Variants in ESRRG observed in about 807,000 individuals in gnomAD.
ESRRG encodes estrogen-related receptor gamma.
Under a neutral mutation model 44.0 loss-of-function variants are expected in ESRRG, and 13 were observed. That is an observed-to-expected ratio of 0.30 (90% CI 0.19 to 0.47). The LOEUF is 0.47. Ranked by LOEUF, ESRRG falls within the 20% of genes least tolerant of loss-of-function variation. The pLI is 1.00. For missense variants in ESRRG, 395 were observed against 580.6 expected, an observed-to-expected ratio of 0.68 and a Z score of 3.29; for synonymous variants, 215 against 214.6, an observed-to-expected ratio of 1.00 and a Z score of -0.02.
At chr1:216,676,714 C>T (rs1021905146) in intron 2 of ESRRG, among the ~76,000 whole-genome samples, 1 of 152,072 alleles carries the variant, frequency 6.6e-6, no homozygotes, top group Admixed American at 6.6e-5. Flanking sequence ...TTATTATTTC[C>T]ATGCATCTGT....
chr1:217,093,705 G>C (rs79047972), upstream of ESRRG, among the ~76,000 whole-genome samples: 89 of 151,538 alleles, frequency 5.9e-4, 1 homozygote, highest in East Asian at 0.013. Flanking sequence ...GATTGCTTGA[G>C]CCCCGAAGTC....
At chr1:216,948,938 A>G (rs920069861) in intron 1 of ESRRG, among the ~76,000 whole-genome samples, 2 of 152,150 alleles carry the variant, frequency 1.3e-5, no homozygotes, top group African/African-American at 4.8e-5. Context: ...AAACAAGAAC[A>G]TAAGCTTAGA....
At chr1:216,534,571 T>C (rs2050350160) in intron 5 of ESRRG, among the ~76,000 whole-genome samples, 2 of 152,186 alleles carry the variant, frequency 1.3e-5, no homozygotes, top group South Asian at 4.1e-4. Flanking sequence ...ACATTGTATT[T>C]ATACATAACT....
At chr1:217,022,090 C>A (rs1050246343) in intron 1 of ESRRG, among the ~76,000 whole-genome samples, 1 of 152,144 alleles carries the variant, frequency 6.6e-6, no homozygotes, top group Non-Finnish European at 1.5e-5. Context: ...TTACATGAGC[C>A]TGAAGAGGTC....
At chr1:217,063,368 A>G (rs372061500) in intron 1 of ESRRG, among the ~76,000 whole-genome samples, 88 of 152,336 alleles carry the variant, frequency 5.8e-4, no homozygotes, top group African/African-American at 2.1e-3. Flanking sequence ...AAGTTAGTGC[A>G]GCAAACTAGC....
chr1:217,071,602 C>T (rs949616211), intron 1 of ESRRG, among the ~76,000 whole-genome samples: 12 of 152,132 alleles, frequency 7.9e-5, no homozygotes, highest in Non-Finnish European at 1.8e-4. Flanking sequence ...TTAATGGCAC[C>T]TTGACTAACT....
At chr1:216,882,083 C>T (rs2096456862) in intron 2 of ESRRG, among the ~76,000 whole-genome samples, 1 of 151,872 alleles carries the variant, frequency 6.6e-6, no homozygotes, top group South Asian at 2.1e-4. Flanking sequence ...CTTTGTTTAG[C>T]CCTCACAACC....
chr1:216,746,695 T>C (rs973293846), intron 2 of ESRRG, among the ~76,000 whole-genome samples: 3 of 152,164 alleles, frequency 2.0e-5, no homozygotes, highest in African/African-American at 7.2e-5. Context: ...AACTGGTAAA[T>C]GTTTGATGAA....
chr1:217,023,653 G>A (rs1346240286), intron 1 of ESRRG, among the ~76,000 whole-genome samples: 4 of 152,216 alleles, frequency 2.6e-5, no homozygotes, highest in Non-Finnish European at 5.9e-5. Context: ...CCTTCCTTGA[G>A]ATGCTTTCCT....
intron 1 of ESRRG, among the ~76,000 whole-genome samples, chr1:216,978,195 A>G (rs1038031462): frequency 4.6e-5 from 7 of 152,102 alleles, no homozygotes; most frequent in Non-Finnish European, 1.0e-4. Context: ...GGCCAAATTC[A>G]CCACCCCCAA....
intron 2 of ESRRG, among the ~76,000 whole-genome samples, chr1:216,848,765 G>A (rs995083369): frequency 6.6e-6 from 1 of 151,842 alleles, no homozygotes; most frequent in Non-Finnish European, 1.5e-5. Flanking sequence ...TGTTTGGTGT[G>A]CCTCTGGAAC....
chr1:216,781,944 G>C (rs568346787), intron 2 of ESRRG, among the ~76,000 whole-genome samples: 1 of 152,018 alleles, frequency 6.6e-6, no homozygotes, highest in Non-Finnish European at 1.5e-5. Context: ...TCTGAAGGTC[G>C]ATAAGTTTCA....
At chr1:216,795,820 G>C (rs545829969) in intron 2 of ESRRG, among the ~76,000 whole-genome samples, 1 of 152,082 alleles carries the variant, frequency 6.6e-6, no homozygotes, top group Non-Finnish European at 1.5e-5. Context: ...CATCTTTGAT[G>C]GAAATAGGAG....
At chr1:216,820,071 A>G (rs2095253087) in intron 2 of ESRRG, among the ~76,000 whole-genome samples, 1 of 152,228 alleles carries the variant, frequency 6.6e-6, no homozygotes, top group South Asian at 2.1e-4. Context: ...AGATCTCACT[A>G]CATCCAAATT....
chr1:217,041,394 GA>G (rs1487140936), intron 1 of ESRRG, among the ~76,000 whole-genome samples: 1 of 152,110 alleles, frequency 6.6e-6, no homozygotes, highest in Non-Finnish European at 1.5e-5. Context: ...TACATTTTAA[GA>G]GTTGAAAGAA....
chr1:217,010,831 A>G (rs2078464005), intron 1 of ESRRG, among the ~76,000 whole-genome samples: 1 of 152,224 alleles, frequency 6.6e-6, no homozygotes, highest in Non-Finnish European at 1.5e-5. Context: ...AGCTGTGTGT[A>G]GACCAGGAAG....
intron 2 of ESRRG, among the ~76,000 whole-genome samples, chr1:216,886,732 T>C (rs895809715): frequency 1.3e-5 from 2 of 152,200 alleles, no homozygotes; most frequent in African/African-American, 4.8e-5. Flanking sequence ...TTTCTATTTA[T>C]TGATTGATTG....
rs1266397788 is a variant in ESRRG, at chr1:217,133,645, C to CTCTCTCTCTTTCTTTCTTTCTTTCTT, written c.-230+4021_-230+4022insAAGAAAGAAAGAAAGAAAGAGAGAGA. Among the ~76,000 whole-genome samples the CTCTCTCTCTTTCTTTCTTTCTTTCTT allele has an allele frequency of 3.2e-3, 291 of 91,596 alleles. 2 individuals carry two copies. Among genetic ancestry groups the CTCTCTCTCTTTCTTTCTTTCTTTCTT allele is most frequent in the South Asian group, 6.0e-3 (14 of 2,328 alleles). The allele number at this position is 91,596 out of a possible 152,430, so 60.1% of individuals were successfully genotyped here. On this transcript the variant is annotated intron_variant, in intron 1 of 8. Coordinates refer to the ESRRG transcript ENST00000366940. ...TCTTTCTTTCTTTCTCTCTCTCTCTCTCTTTCTTTCTTTCTTTCTTTCTTT... is the reference window on the plus strand; with the variant it reads ...TCTTTCTTTCTTTCTCTCTCTCTCTCTCTCTCTCTTTCTTTCTTTCTTTCTTTCTTTCTTTCTTTCTTTCTTTCTTT...
intron 2 of ESRRG, among the ~76,000 whole-genome samples, chr1:216,802,768 T>C (rs1260649298): frequency 6.6e-6 from 1 of 152,120 alleles, no homozygotes; most frequent in Non-Finnish European, 1.5e-5. Flanking sequence ...ACTTAATATG[T>C]GCTAAGCACC....
Sources: gnomAD v4.1 joint callset for allele counts (sites outside exome capture counted in the v4.1 genomes callset) on GRCh38, gnomAD v4.1.1 for gene constraint, MANE v1.5 for transcripts, NCBI Gene and HGNC (gene_info 2026-07-23, HGNC 2026-07-21) for gene names.